Variants in CYP27A1 observed in about 807,000 individuals in gnomAD.
The protein encoded by CYP27A1 is cytochrome P450 family 27 subfamily A member 1.
In CYP27A1, 46 loss-of-function variants were observed where a neutral mutation model predicts 58.2. The ratio of observed to expected loss-of-function variants is 0.79; its 90% CI spans 0.62 to 1.01. The LOEUF (loss-of-function observed/expected upper bound fraction) is 1.01. Among genes scored for constraint, CYP27A1 ranks in the 50% least tolerant of loss-of-function variants. The pLI is 0.00. For synonymous variants in CYP27A1, 274 were observed against 285.1 expected, an observed-to-expected ratio of 0.96 and a Z score of 0.39; for missense variants, 704 against 687.0, an observed-to-expected ratio of 1.02 and a Z score of -0.28.
chr2:218,794,626 C>T (rs746962085), intron 1 of CYP27A1, among the ~76,000 whole-genome samples: 1 of 152,132 alleles, frequency 6.6e-6, no homozygotes, highest in African/African-American at 2.4e-5. Flanking sequence ...CTTCTGGGTT[C>T]CCTTCCCTTG....
chr2:218,812,483 T>G, intron 3 of CYP27A1, 62 bp downstream of exon 3: 1 of 1,608,816 alleles, frequency 6.2e-7, no homozygotes, highest in South Asian at 1.1e-5. Context: ...GTGCTCCCTC[T>G]CCTCAAGGGC....
chr2:218,788,545 A>T (rs1943461019), intron 1 of CYP27A1, among the ~76,000 whole-genome samples: 1 of 152,198 alleles, frequency 6.6e-6, no homozygotes, highest in African/African-American at 2.4e-5. Context: ...GGATTCAGGT[A>T]CCTAGGGAGA....
chr2:218,813,312 C>A (rs1188217121), intron 5 of CYP27A1, among the ~76,000 whole-genome samples: 1 of 152,312 alleles, frequency 6.6e-6, no homozygotes, highest in East Asian at 1.9e-4. Context: ...ATGCCATCAC[C>A]TCCTGGAGCC....
chr2:218,814,905 C>A lies in CYP27A1; in HGVS notation c.1477-6C>A, dbSNP rs1182127092. On this transcript the variant is annotated splice_polypyrimidine_tract_variant and splice_region_variant and intron_variant, in intron 8 of 8. Transcript: ENST00000258415. ...CACCCAACCACATGTGCTCTTTACC[C>A]CCCAGCTGATCCAGAAGTACAAGGT... 1.9e-6 allele frequency: 3 copies of A among 1,614,208 alleles called. No individual in the cohort carries two copies. The highest frequency in any genetic ancestry group is 2.5e-6 in the Non-Finnish European group (3 of 1,180,034).
Position 218,782,482 on chromosome 2 carries a change from G to A in CYP27A1, c.255+45G>A, listed in dbSNP as rs757282860. On this transcript the variant is annotated intron_variant, in intron 1 of 8. Transcript: ENST00000258415. The surrounding 1 kb of genome is among the most constrained non-coding windows in gnomAD (Gnocchi z 4.1). The stretch of plus-strand genomic sequence containing the variant: ...CGTCCTGGGGATGGGAGTGGGCACC[G>A]GAACAGAGAGGCTAGAGGTGAGAAG... 2 of 1,612,354 alleles carry A rather than the reference G, an allele frequency of 1.2e-6. No individual in the cohort carries two copies. The highest frequency in any genetic ancestry group is 1.7e-6 in the Non-Finnish European group (2 of 1,178,970).
intron 2 of CYP27A1, among the ~76,000 whole-genome samples, chr2:218,811,937 A>G (rs1041012319): frequency 9.2e-5 from 14 of 152,162 alleles, no homozygotes; most frequent in African/African-American, 3.4e-4. Flanking sequence ...TTACCCACCT[A>G]GGGTCCCTCT....
At position 218,814,150 on chromosome 2, in the gene CYP27A1, A is replaced by G; in HGVS notation, c.1147A>G (p.Met383Val). 6.2e-7 allele frequency: 1 copy of G among 1,614,230 alleles called. No homozygotes were observed. The highest frequency in any genetic ancestry group is 8.5e-7 in the Non-Finnish European group (1 of 1,180,044). ...GCCCCAGCACAAGGACTTTGCCCACATGCCGTTGCTCAAAGCTGTGCTTAA... is the reference window on the plus strand; with the variant it reads ...GCCCCAGCACAAGGACTTTGCCCACGTGCCGTTGCTCAAAGCTGTGCTTAA... ...QVPQHKDFAH[M>V]PLLKAVLKET... Residue 383 changes from methionine (M) to valine (V), a missense_variant, in exon 6 of 9, where the codon ATG becomes GTG. Transcript: ENST00000258415.
At chr2:218,809,439 G>GA in intron 1 of CYP27A1, 138 bp from the exon 2 acceptor site, 1 of 662,702 alleles carries the variant, frequency 1.5e-6, no homozygotes, top group South Asian at 1.7e-5. Flanking sequence ...CATACACAAT[G>GA]CCCTTTTTTT....
At chr2:218,814,294 G>A in intron 6 of CYP27A1, 86 bp from the exon 7 acceptor site, 7 of 1,597,150 alleles carry the variant, frequency 4.4e-6, no homozygotes, top group Non-Finnish European at 6.0e-6. Flanking sequence ...TGACAAGGAT[G>A]AGATGGGAGA....
At position 218,813,096 on chromosome 2, in the gene CYP27A1, G is replaced by T. The variant is rs200553205; in HGVS notation, c.1017G>T (p.Thr339=). ...AGCTGCTCATGGCTGGAGTGGACAC[G>T]GTGCGTGAAGGGGGAGGGTGAGACC... ...LPELLMAGVD[T]TSNTLTWALY... Residue 339 remains threonine (T), a splice_region_variant and synonymous_variant, in exon 5 of 9, where the codon ACG becomes ACT. Coordinates refer to ENST00000258415, the MANE Select transcript of CYP27A1 (RefSeq NM_000784.4). 1.2e-6 allele frequency: 2 copies of T among 1,607,856 alleles called. No homozygotes were observed. The highest frequency in any genetic ancestry group is 2.2e-5 in the South Asian group (2 of 90,700).
At chr2:218,794,665 G>A (rs1037528199) in intron 1 of CYP27A1, among the ~76,000 whole-genome samples, 2 of 152,152 alleles carry the variant, frequency 1.3e-5, no homozygotes, top group African/African-American at 4.8e-5. Flanking sequence ...CCAGTTTAAG[G>A]TTTGGGAAAT....
At chr2:218,783,230 C>A (rs1344717431) in intron 1 of CYP27A1, among the ~76,000 whole-genome samples, 2 of 129,634 alleles carry the variant, frequency 1.5e-5, no homozygotes, top group African/African-American at 3.1e-5. Flanking sequence ...GCACTCCAGT[C>A]TGGGCAACAA....
At chr2:218,797,884 C>T (rs895967353) in intron 1 of CYP27A1, among the ~76,000 whole-genome samples, 3 of 152,220 alleles carry the variant, frequency 2.0e-5, no homozygotes, top group Admixed American at 6.5e-5. Flanking sequence ...TGTTCACACA[C>T]AGAATTTTGC....
intron 1 of CYP27A1, among the ~76,000 whole-genome samples, chr2:218,790,256 A>AT (rs2105971797): frequency 6.6e-6 from 1 of 152,294 alleles, no homozygotes; most frequent in Admixed American, 6.5e-5. Flanking sequence ...AGCTCTTTTC[A>AT]TTCCAGTTGA....
At chr2:218,789,905 T>A (rs1233131155) in intron 1 of CYP27A1, among the ~76,000 whole-genome samples, 1 of 152,184 alleles carries the variant, frequency 6.6e-6, no homozygotes, top group African/African-American at 2.4e-5. Context: ...GGTACCTCCT[T>A]ATGGTGGGAT....
At chr2:218,797,073 C>T (rs1341351085) in intron 1 of CYP27A1, among the ~76,000 whole-genome samples, 1 of 152,172 alleles carries the variant, frequency 6.6e-6, no homozygotes, top group Non-Finnish European at 1.5e-5. Flanking sequence ...CTCTGGTTTA[C>T]AATAACTTAA....
chr2:218,786,443 G>A (rs1261113208), intron 1 of CYP27A1, among the ~76,000 whole-genome samples: 2 of 152,158 alleles, frequency 1.3e-5, no homozygotes, highest in Non-Finnish European at 2.9e-5. Context: ...ATAAAAATCA[G>A]CTTTGAGAAG....
rs778416475 is a variant in CYP27A1 at position 218,782,494 on chromosome 2, C to CT, written c.255+58dup. The CT allele has an allele frequency of 1.9e-6, 3 of 1,608,794 alleles. No homozygotes were observed. The highest frequency in any genetic ancestry group is 2.6e-6 in the Non-Finnish European group (3 of 1,176,308). On this transcript the variant is annotated intron_variant, in intron 1 of 8. Coordinates refer to ENST00000258415, the MANE Select transcript of CYP27A1 (RefSeq NM_000784.4). The surrounding 1 kb of genome is among the most constrained non-coding windows in gnomAD (Gnocchi z 4.1). ...GGGAGTGGGCACCGGAACAGAGAGGCTAGAGGTGAGAAGACGTTGGACAGA... is the reference window on the plus strand; with the variant it reads ...GGGAGTGGGCACCGGAACAGAGAGGCTTAGAGGTGAGAAGACGTTGGACAGA...
At position 218,782,570 on chromosome 2, in the gene CYP27A1, A is replaced by G; in HGVS notation, c.255+133A>G. The stretch of plus-strand genomic sequence containing the variant: ...GGGGACCCACTGAGGCTATGGTCAT[A>G]AACTGGAAATCAGTAGGGAGAATGG... On this transcript the variant is annotated intron_variant, in intron 1 of 8. Transcript: ENST00000258415. The surrounding 1 kb of genome is among the most constrained non-coding windows in gnomAD (Gnocchi z 4.1). 5 of 1,172,732 alleles carry G rather than the reference A, an allele frequency of 4.3e-6. No individual in the cohort carries two copies. The highest frequency in any genetic ancestry group is 6.2e-6 in the Non-Finnish European group (5 of 801,186). 72.6% of individuals were successfully genotyped at this position (1,172,732 alleles called of 1,614,324 possible).
Sources: allele counts gnomAD v4.1 joint callset (sites outside exome capture counted in the v4.1 genomes callset), GRCh38; gene constraint gnomAD v4.1.1; non-coding constraint Gnocchi (gnomAD v3.1); transcripts MANE v1.5; gene names NCBI Gene and HGNC (gene_info 2026-07-23, HGNC 2026-07-21).